The following NPL variants were observed in gnomAD, a reference collection of about 807,000 sequenced individuals.
NPL encodes N-acetylneuraminate lyase.
A neutral mutation model predicts 41.1 loss-of-function variants in NPL; 32 were observed. That is an observed-to-expected ratio of 0.78 (90% CI 0.59 to 1.05). The LOEUF is 1.05. Ranked by LOEUF, NPL falls within the 50% of genes least tolerant of loss-of-function variation. The pLI, the probability that NPL is intolerant of heterozygous loss-of-function variation, is 0.00. For synonymous variants in NPL, 128 were observed against 134.9 expected (o/e 0.95, Z 0.35); for missense variants, 321 against 378.4 (o/e 0.85, Z 1.26).
chr1:182,813,415 A>T (rs575564433), intron 6 of NPL, among the ~76,000 whole-genome samples: 2 of 152,382 alleles, frequency 1.3e-5, no homozygotes, highest in East Asian at 3.9e-4. Context: ...ATCTATCATT[A>T]GCCATAATAA....
intron 5 of NPL, chr1:182,809,283 A>C (rs1267795855): frequency 2.3e-6 from 1 of 435,386 alleles, no homozygotes; most frequent in Non-Finnish European, 4.6e-6. Context: ...TCACACCTGT[A>C]ATCCCAGCAC....
chr1:182,808,887 G>A (rs967147017), intron 5 of NPL, among the ~76,000 whole-genome samples: 1 of 151,436 alleles, frequency 6.6e-6, no homozygotes, highest in African/African-American at 2.4e-5. Context: ...TGAGCCCGGG[G>A]TGACAGAGGT....
intron 7 of NPL, 21 bp downstream of exon 7, chr1:182,814,879 G>T (rs748261342): frequency 3.2e-6 from 5 of 1,586,884 alleles, no homozygotes; most frequent in Non-Finnish European, 4.3e-6. Context: ...AGGTCTGAAT[G>T]CATGGCATCT....
intron 2 of NPL, among the ~76,000 whole-genome samples, chr1:182,793,085 G>A (rs1198504998): frequency 6.6e-6 from 1 of 152,164 alleles, no homozygotes; most frequent in African/African-American, 2.4e-5. Flanking sequence ...ACTATCTTTT[G>A]TAGAATTGTC....
At chr1:182,824,987 G>A (rs968442221) in intron 11 of NPL, among the ~76,000 whole-genome samples, 1 of 152,156 alleles carries the variant, frequency 6.6e-6, no homozygotes. Flanking sequence ...AATAATGGAA[G>A]GAATTTTGTT....
intron 3 of NPL, among the ~76,000 whole-genome samples, chr1:182,798,576 G>A (rs115116622): frequency 0.01 from 1,530 of 152,210 alleles, 23 homozygotes; most frequent in African/African-American, 0.032. Context: ...TCTTTGGGCA[G>A]GCTCACAGTC....
At chr1:182,802,241 C>T (rs1202649499) in intron 3 of NPL, among the ~76,000 whole-genome samples, 1 of 152,218 alleles carries the variant, frequency 6.6e-6, no homozygotes, top group Non-Finnish European at 1.5e-5. Flanking sequence ...GGAGTTCGCT[C>T]CCCTTATAGG....
chr1:182,816,759 C>A lies in NPL; in HGVS notation c.410C>A (p.Ala137Asp), dbSNP rs1667344393. 2 of 1,613,718 alleles carry A rather than the reference C, an allele frequency of 1.2e-6. No homozygotes were observed. Among genetic ancestry groups the A allele is most frequent in the Non-Finnish European group, 1.7e-6 (2 of 1,179,810 alleles). The change falls in exon 8 of 13, where the codon GCC becomes GAC. Residue 137 changes from alanine (A) to aspartate (D), a missense_variant. Coordinates refer to ENST00000367553, the MANE Select transcript of NPL (RefSeq NM_030769.3). ...FLKEVAAAAP[A>D]LPFYYYHIPA... is the part of the protein sequence containing the mutation. ...AAGGAAGTGGCTGCTGCCGCCCCTG[C>A]CCTGCCATTTTATTACTATCACATT...
chr1:182,817,906 A>C (rs1367241728), intron 8 of NPL, among the ~76,000 whole-genome samples: 7 of 152,166 alleles, frequency 4.6e-5, no homozygotes, highest in Non-Finnish European at 8.8e-5. Flanking sequence ...TGGAGACTTC[A>C]TTATATAGGC....
At position 182,828,547 on chromosome 1, in the gene NPL, G is replaced by A. The variant is rs1311860854; in HGVS notation, c.779-177G>A. 6.6e-6 allele frequency among the ~76,000 whole-genome samples: 1 copy of A among 152,182 alleles called. No homozygotes were observed. On this transcript the variant is annotated intron_variant, in intron 12 of 12. Transcript: ENST00000367553. This position sits in a 1 kb window ranked among gnomAD's most constrained non-coding sequence, Gnocchi z 4.0. ...TTTCCAGCGTTCTGTGTTTGAAGCA[G>A]GAAGAGGGATTTCGAATGATTGCTC...
intron 2 of NPL, among the ~76,000 whole-genome samples, chr1:182,792,666 C>T (rs1318249581): frequency 6.6e-6 from 1 of 152,180 alleles, no homozygotes; most frequent in African/African-American, 2.4e-5. Context: ...TGCTTTTAGT[C>T]TCATGTTTGA....
chr1:182,792,972 G>A (rs1666557754), intron 2 of NPL, among the ~76,000 whole-genome samples: 1 of 152,198 alleles, frequency 6.6e-6, no homozygotes, highest in Admixed American at 6.5e-5. Context: ...TTAGATTTAA[G>A]TATAGTGGGC....
At chr1:182,791,512 A>G (rs1666514758) in intron 1 of NPL, among the ~76,000 whole-genome samples, 1 of 152,216 alleles carries the variant, frequency 6.6e-6, no homozygotes, top group South Asian at 2.1e-4. Flanking sequence ...TGTTACTGGA[A>G]GATTAATCTG....
intron 4 of NPL, among the ~76,000 whole-genome samples, chr1:182,805,037 C>A (rs1304174662): frequency 6.6e-6 from 1 of 152,220 alleles, no homozygotes; most frequent in Admixed American, 6.5e-5. Flanking sequence ...TTCTTCCAAC[C>A]CAGTGCTGAG....
At chr1:182,792,811 G>A (rs542724019) in intron 2 of NPL, among the ~76,000 whole-genome samples, 3 of 152,318 alleles carry the variant, frequency 2.0e-5, no homozygotes, top group African/African-American at 7.2e-5. Context: ...TTTCTCAAGG[G>A]CTTACCTGAG....
intron 5 of NPL, among the ~76,000 whole-genome samples, chr1:182,810,669 C>G (rs1441095822): frequency 6.6e-6 from 1 of 151,544 alleles, no homozygotes; most frequent in Non-Finnish European, 1.5e-5. Context: ...AGGCTCTATT[C>G]TTTTTTCTCT....
chr1:182,828,612 T>C lies in NPL; in HGVS notation c.779-112T>C, dbSNP rs1667690596. 2 of 1,372,774 alleles carry C rather than the reference T, an allele frequency of 1.5e-6. No individual in the cohort carries two copies. The highest frequency in any genetic ancestry group is 2.0e-6 in the Non-Finnish European group (2 of 980,728). The allele number at this position is 1,372,774 out of a possible 1,614,324, so 85.0% of individuals were successfully genotyped here. ...CTAGAAATGTTCCCATCTTTTGTTT[T>C]AATCTTACCCTGTTGTAGTAGTTGC... On this transcript the variant is annotated intron_variant, in intron 12 of 12. Transcript: ENST00000367553. This position sits in a 1 kb window ranked among gnomAD's most constrained non-coding sequence, Gnocchi z 4.0.
At position 182,827,613 on chromosome 1, in the gene NPL, T is replaced by C. The variant is rs112366754; in HGVS notation, c.779-1111T>C. 4.7e-3 allele frequency among the ~76,000 whole-genome samples: 710 copies of C among 152,274 alleles called. 4 individuals carry two copies. The highest frequency in any genetic ancestry group is 0.015 in the African/African-American group (622 of 41,536). ...GTTTTTACTGTTTGATTTCCCTAAATATATATATTTTTTTCAGTATTTCTT... is the reference window on the plus strand; with the variant it reads ...GTTTTTACTGTTTGATTTCCCTAAACATATATATTTTTTTCAGTATTTCTT... On this transcript the variant is annotated intron_variant, in intron 12 of 12. Transcript: ENST00000367553.
chr1:182,828,796 C>T lies in NPL; in HGVS notation c.851C>T (p.Pro284Leu). The change falls in exon 13 of 13, where the codon CCA (proline) becomes CTA (leucine). Residue 284 changes from proline to leucine, a missense_variant. Transcript: ENST00000367553. The surrounding 1 kb of genome is among the most constrained non-coding windows in gnomAD (Gnocchi z 4.0). Reference protein sequence around the residue: ...SGIPMGPPRLPLQKASREFTD... With the variant: ...SGIPMGPPRLLLQKASREFTD... Reference sequence around the variant, plus strand: ...ATTCCAATGGGCCCACCCCGGCTTCCACTGCAGAAAGCCTCCAGGGAGTTT... The same window carrying T: ...ATTCCAATGGGCCCACCCCGGCTTCTACTGCAGAAAGCCTCCAGGGAGTTT... 1 of 1,614,176 alleles carries T rather than the reference C, an allele frequency of 6.2e-7. No individual in the cohort carries two copies. Among genetic ancestry groups the T allele is most frequent in the South Asian group, 1.1e-5 (1 of 91,076 alleles).
Sources: allele counts gnomAD v4.1 joint callset (sites outside exome capture counted in the v4.1 genomes callset), GRCh38; gene constraint gnomAD v4.1.1; non-coding constraint Gnocchi (gnomAD v3.1); transcripts MANE v1.5; gene names NCBI Gene and HGNC (gene_info 2026-07-23, HGNC 2026-07-21).